HDAC9: variants seen among roughly 807,000 people sequenced by gnomAD.
The protein encoded by HDAC9 is histone deacetylase 9, also known as MEF-2 interacting transcription repressor (MITR) protein.
Under a neutral mutation model 139.4 loss-of-function variants are expected in HDAC9, and 41 were observed. The ratio of observed to expected loss-of-function variants is 0.29; its 90% CI spans 0.23 to 0.38. The LOEUF is 0.38. Ranked by LOEUF, HDAC9 falls within the 10% of genes least tolerant of loss-of-function variation. The pLI is 1.00. For synonymous variants in HDAC9, 517 were observed against 476.2 expected (o/e 1.09, Z -1.12); for missense variants, 1,147 against 1,297.0 (o/e 0.88, Z 1.78).
At chr7:18,755,800 C>G (rs1480928639) in intron 14 of HDAC9, among the ~76,000 whole-genome samples, 1 of 152,212 alleles carries the variant, frequency 6.6e-6, no homozygotes, top group Middle Eastern at 3.4e-3. Flanking sequence ...AGAAATGGCT[C>G]TATGTCCTAA....
chr7:18,687,789 T>C (rs189904029), intron 12 of HDAC9, among the ~76,000 whole-genome samples: 1 of 151,868 alleles, frequency 6.6e-6, no homozygotes, highest in Admixed American at 6.6e-5. Flanking sequence ...ACTAGTTAGA[T>C]GGACATATTT....
intron 24 of HDAC9, among the ~76,000 whole-genome samples, chr7:18,957,165 C>A (rs960449026): frequency 6.6e-6 from 1 of 152,080 alleles, no homozygotes; most frequent in Non-Finnish European, 1.5e-5. Context: ...GATCTCTCAC[C>A]ATTTGAGAAG....
At chr7:18,980,735 TCTTCTTCTTC>T (rs1435428817) in intron 25 of HDAC9, among the ~76,000 whole-genome samples, 2 of 138,814 alleles carry the variant, frequency 1.4e-5, no homozygotes, top group East Asian at 3.9e-4. Context: ...TCCTTCTTCT[TCTTCTTCTTC>T]CTTCTTCTTC....
intron 24 of HDAC9, among the ~76,000 whole-genome samples, chr7:18,958,181 A>G (rs1272324482): frequency 1.6e-4 from 25 of 152,172 alleles, no homozygotes; most frequent in South Asian, 2.1e-4. Flanking sequence ...CAGAAGGGCA[A>G]TGATTTATCC....
chr7:18,567,002 C>A (rs1822572723), intron 2 of HDAC9, among the ~76,000 whole-genome samples: 1 of 152,156 alleles, frequency 6.6e-6, no homozygotes. Context: ...GTCGCAAGGC[C>A]TAGCTTCCTC....
chr7:18,323,248 T>C (rs1278971795), intron 1 of HDAC9, among the ~76,000 whole-genome samples: 1 of 152,102 alleles, frequency 6.6e-6, no homozygotes, highest in African/African-American at 2.4e-5. Context: ...CTAGGGAAAA[T>C]ATATCTAGAC....
intron 1 of HDAC9, among the ~76,000 whole-genome samples, chr7:18,476,095 A>G (rs933275239): frequency 6.6e-6 from 1 of 152,158 alleles, no homozygotes; most frequent in Non-Finnish European, 1.5e-5. Flanking sequence ...ACTCCTCTCT[A>G]TTATAGTCTT....
chr7:18,982,637 G>A (rs73307092), intron 25 of HDAC9, among the ~76,000 whole-genome samples: 28,537 of 151,802 alleles, frequency 0.19, 2,922 homozygotes, highest in Middle Eastern at 0.28. Flanking sequence ...CTTCCCAGTC[G>A]GTGCCACTCC....
chr7:18,497,169 T>G (rs1172375928), intron 2 of HDAC9, among the ~76,000 whole-genome samples: 4 of 152,168 alleles, frequency 2.6e-5, no homozygotes, highest in African/African-American at 7.2e-5. Flanking sequence ...TTCCTATGGC[T>G]ATTTCCTAAA....
intron 2 of HDAC9, among the ~76,000 whole-genome samples, chr7:18,233,779 G>A (rs937897442): frequency 6.6e-6 from 1 of 152,092 alleles, no homozygotes; most frequent in African/African-American, 2.4e-5. Flanking sequence ...CTGACTTGTT[G>A]CCAGCATGTG....
chr7:18,547,517 G>C (rs1203232201), intron 2 of HDAC9, among the ~76,000 whole-genome samples: 1 of 152,216 alleles, frequency 6.6e-6, no homozygotes, highest in Non-Finnish European at 1.5e-5. Context: ...TTACAGGCGT[G>C]AGCCACCATG....
At chr7:18,927,468 G>A (rs1351133373) in intron 22 of HDAC9, among the ~76,000 whole-genome samples, 1 of 152,080 alleles carries the variant, frequency 6.6e-6, no homozygotes, top group Admixed American at 6.6e-5. Context: ...ATGACCAGGG[G>A]GTTTAGAGAG....
intron 6 of HDAC9, among the ~76,000 whole-genome samples, chr7:18,619,503 T>C (rs923200218): frequency 2.6e-5 from 4 of 152,296 alleles, no homozygotes; most frequent in East Asian, 3.9e-4. Context: ...TTGCAGTGTT[T>C]TGAGGTTAGG....
At position 18,455,311 on chromosome 7, in the gene HDAC9, C is replaced by A. The variant is rs1793242582; in HGVS notation, c.-41-40951C>A. On this transcript the variant is annotated intron_variant, in intron 1 of 3. Transcript: ENST00000413509. The stretch of plus-strand genomic sequence containing the variant: ...AAAAGTTAAGTCAAACCCAAAGAAT[C>A]CTGTAAACCTTTTACTGGAAATATT... Among the ~76,000 whole-genome samples the A allele has an allele frequency of 2.6e-5, 4 of 152,068 alleles. No individual in the cohort carries two copies. The South Asian group carries it at 8.3e-4, about 31-fold the overall frequency.
In HDAC9 at chr7:18,367,625, T is replaced by C. The variant is rs76241229; in HGVS notation, c.-42+77110T>C. Reference sequence around the variant, plus strand: ...ATTTACATTGTTTTAGGCTTTGCTATTATGGCAATCATTTTCTGAACATGC... The same window carrying C: ...ATTTACATTGTTTTAGGCTTTGCTACTATGGCAATCATTTTCTGAACATGC... On this transcript the variant is annotated intron_variant, in intron 1 of 3. Transcript: ENST00000413509. Among the ~76,000 whole-genome samples the C allele has an allele frequency of 5.4e-3, 825 of 152,236 alleles. 10 individuals are homozygous for C. The highest frequency in any genetic ancestry group is 0.019 in the African/African-American group (793 of 41,554).
At chr7:18,961,662 T>A (rs117322796) in intron 24 of HDAC9, among the ~76,000 whole-genome samples, 90 of 152,302 alleles carry the variant, frequency 5.9e-4, no homozygotes, top group Admixed American at 2.2e-3. Flanking sequence ...GTAATAATAA[T>A]TGAGTGCTTA....
chr7:18,416,068 C>G (rs112903808), intron 1 of HDAC9, among the ~76,000 whole-genome samples: 1 of 152,124 alleles, frequency 6.6e-6, no homozygotes, highest in African/African-American at 2.4e-5. Flanking sequence ...CCAAGGTGGG[C>G]GGATCACCTG....
chr7:18,150,744 A>G (rs1366452599), intron 1 of HDAC9, among the ~76,000 whole-genome samples: 4 of 152,156 alleles, frequency 2.6e-5, no homozygotes, highest in Admixed American at 2.6e-4. Context: ...TATTTTCCCA[A>G]TATCACTCGA....
chr7:18,095,491 C>T (rs971241048), intron 1 of HDAC9, among the ~76,000 whole-genome samples: 2 of 152,050 alleles, frequency 1.3e-5, no homozygotes, highest in East Asian at 3.9e-4. Context: ...TACCCTGTGG[C>T]TCGCTAGAGA....
Sources: gnomAD v4.1 joint callset for allele counts (sites outside exome capture counted in the v4.1 genomes callset) on GRCh38, gnomAD v4.1.1 for gene constraint, MANE v1.5 for transcripts, NCBI Gene and HGNC (gene_info 2026-07-23, HGNC 2026-07-21) for gene names.